Variants in VAT1L observed in about 807,000 individuals in gnomAD.
VAT1L encodes the protein vesicle amine transport 1 like.
A neutral mutation model predicts 44.1 loss-of-function variants in VAT1L; 34 were observed. The ratio of observed to expected loss-of-function variants is 0.77; its 90% confidence interval spans 0.59 to 1.03. VAT1L has a LOEUF of 1.03. Ranked by LOEUF, VAT1L falls within the 50% of genes least tolerant of loss-of-function variation. The probability of loss-of-function intolerance (pLI) is 0.00; values close to 1 mark genes in which losing one functional copy is unlikely to be tolerated. For synonymous variants in VAT1L, 253 were observed against 202.2 expected (o/e 1.25, Z -2.13); for missense variants, 615 against 538.8 (o/e 1.14, Z -1.40).
At chr16:77,967,701 G>C (rs895004904) in intron 7 of VAT1L, among the ~76,000 whole-genome samples, 2 of 152,206 alleles carry the variant, frequency 1.3e-5, no homozygotes, top group Non-Finnish European at 1.5e-5. Flanking sequence ...GCTTTAACTG[G>C]TGAGAAAACA....
intron 3 of VAT1L, among the ~76,000 whole-genome samples, chr16:77,856,493 G>T (rs1025160838): frequency 8.5e-5 from 13 of 152,130 alleles, no homozygotes; most frequent in Non-Finnish European, 1.8e-4. Flanking sequence ...TATGTACCAG[G>T]CAGTGTAGTA....
intron 2 of VAT1L, among the ~76,000 whole-genome samples, chr16:77,822,742 T>C (rs891516573): frequency 9.2e-5 from 14 of 152,098 alleles, no homozygotes; most frequent in Non-Finnish European, 7.4e-5. Flanking sequence ...GATCATCACA[T>C]TGATTAATTA....
chr16:77,890,845 G>A (rs150993264), intron 7 of VAT1L, among the ~76,000 whole-genome samples: 4 of 151,040 alleles, frequency 2.6e-5, no homozygotes, highest in East Asian at 3.9e-4. Context: ...GATGACTTGA[G>A]TCTTGGGGGT....
At chr16:77,956,787 G>A (rs1024507923) in intron 7 of VAT1L, among the ~76,000 whole-genome samples, 6 of 152,134 alleles carry the variant, frequency 3.9e-5, no homozygotes, top group Admixed American at 1.3e-4. Context: ...AAATAGAATC[G>A]CTCTTTTATT....
chr16:77,933,114 C>G (rs1453768508), intron 7 of VAT1L, among the ~76,000 whole-genome samples: 2 of 152,192 alleles, frequency 1.3e-5, no homozygotes, highest in Non-Finnish European at 2.9e-5. Context: ...ACCCTAAGTT[C>G]TTAGTCATTC....
intron 7 of VAT1L, chr16:77,892,613 G>A: frequency 1.5e-6 from 1 of 678,566 alleles, no homozygotes; most frequent in Non-Finnish European, 2.8e-6. Flanking sequence ...GTGTCAAGGT[G>A]GTGACTTCAC....
chr16:77,889,893 C>T (rs928999798), intron 7 of VAT1L, among the ~76,000 whole-genome samples: 1 of 151,988 alleles, frequency 6.6e-6, no homozygotes, highest in South Asian at 2.1e-4. Context: ...TCGAGACCAG[C>T]CCGGCCAACA....
intron 3 of VAT1L, among the ~76,000 whole-genome samples, chr16:77,827,982 G>A (rs1230482992): frequency 6.6e-6 from 1 of 152,132 alleles, no homozygotes; most frequent in Non-Finnish European, 1.5e-5. Context: ...TAATCTTCAG[G>A]CAGAGTTGAA....
chr16:77,869,366 T>A (rs987165320), intron 4 of VAT1L, among the ~76,000 whole-genome samples: 1 of 152,118 alleles, frequency 6.6e-6, no homozygotes, highest in African/African-American at 2.4e-5. Flanking sequence ...GGACTGGAGC[T>A]CCATTGAGTA....
chr16:77,939,735 T>G (rs1481181877), intron 7 of VAT1L, among the ~76,000 whole-genome samples: 2 of 152,164 alleles, frequency 1.3e-5, no homozygotes, highest in African/African-American at 4.8e-5. Flanking sequence ...GGTGAAAAAT[T>G]CCTGCACTCA....
At chr16:77,967,400 G>A (rs1319618788) in intron 7 of VAT1L, among the ~76,000 whole-genome samples, 1 of 152,176 alleles carries the variant, frequency 6.6e-6, no homozygotes, top group Non-Finnish European at 1.5e-5. Context: ...CTTATGCAAA[G>A]GGCCTCATAT....
intron 7 of VAT1L, among the ~76,000 whole-genome samples, chr16:77,904,911 T>TAA (rs1696592436): frequency 6.6e-6 from 1 of 152,134 alleles, no homozygotes; most frequent in South Asian, 2.1e-4. Context: ...TAACACCTAC[T>TAA]ATTTACCAAG....
intron 3 of VAT1L, among the ~76,000 whole-genome samples, chr16:77,860,702 A>G (rs58308741): frequency 0.02 from 3,048 of 152,254 alleles, 97 homozygotes; most frequent in African/African-American, 0.069. Context: ...CCCTCCCTAG[A>G]AAAGATAGTC....
chr16:77,844,337 C>T (rs2016736825), intron 3 of VAT1L, among the ~76,000 whole-genome samples: 1 of 152,066 alleles, frequency 6.6e-6, no homozygotes, highest in Non-Finnish European at 1.5e-5. Context: ...TATAAGTAAT[C>T]TAGAGATGAT....
chr16:77,971,073 C>T (rs920182389), intron 7 of VAT1L, among the ~76,000 whole-genome samples: 2 of 151,902 alleles, frequency 1.3e-5, no homozygotes, highest in Admixed American at 1.3e-4. Context: ...AGATGTGGAG[C>T]ATGGGCCTGT....
At chr16:77,799,070 G>A (rs569390500) in intron 1 of VAT1L, among the ~76,000 whole-genome samples, 3 of 151,952 alleles carry the variant, frequency 2.0e-5, no homozygotes, top group South Asian at 2.1e-4. Flanking sequence ...TGCAGCTGCC[G>A]TGTGAAAATT....
intron 7 of VAT1L, among the ~76,000 whole-genome samples, chr16:77,959,746 G>A (rs979838784): frequency 6.6e-6 from 1 of 152,170 alleles, no homozygotes; most frequent in East Asian, 1.9e-4. Context: ...AAAGACTGAG[G>A]ATTATTAACC....
At chr16:77,918,498 C>T (rs1010814185) in intron 7 of VAT1L, among the ~76,000 whole-genome samples, 1 of 152,150 alleles carries the variant, frequency 6.6e-6, no homozygotes, top group African/African-American at 2.4e-5. Flanking sequence ...CACTGGCCAC[C>T]TGTCTCCCTC....
chr16:77,846,295 A>G (rs1031433996), intron 3 of VAT1L, among the ~76,000 whole-genome samples: 1 of 152,180 alleles, frequency 6.6e-6, no homozygotes, highest in Admixed American at 6.5e-5. Context: ...ATACCAAAGC[A>G]GAAACAGCCC....
Sources: allele counts gnomAD v4.1 joint callset (sites outside exome capture counted in the v4.1 genomes callset), GRCh38; gene constraint gnomAD v4.1.1; transcripts MANE v1.5; gene names NCBI Gene and HGNC (gene_info 2026-07-23, HGNC 2026-07-21).